The following PHKB variants were observed in gnomAD, a reference collection of about 807,000 sequenced individuals.
The protein encoded by PHKB is phosphorylase b kinase regulatory subunit beta.
PHKB carries 122 observed loss-of-function variants against 152.1 expected under a neutral mutation model. The ratio of observed to expected loss-of-function variants is 0.80; its 90% CI spans 0.69 to 0.93. The LOEUF (loss-of-function observed/expected upper bound fraction) is 0.93. Ranked by LOEUF, PHKB falls within the 40% of genes least tolerant of loss-of-function variation. The pLI, the probability that PHKB is intolerant of heterozygous loss-of-function variation, is 0.00. For missense variants in PHKB, 1,304 were observed against 1,328.4 expected, an observed-to-expected ratio of 0.98 and a Z score of 0.29; for synonymous variants, 436 against 464.9, an observed-to-expected ratio of 0.94 and a Z score of 0.80.
At chr16:47,487,358 T>A (rs1243156998) in intron 1 of PHKB, among the ~76,000 whole-genome samples, 1 of 152,144 alleles carries the variant, frequency 6.6e-6, no homozygotes, top group Non-Finnish European at 1.5e-5. Flanking sequence ...CTTAAAATAT[T>A]ATGTCTGTGA....
At chr16:47,494,987 C>T (rs1970207973) in intron 1 of PHKB, among the ~76,000 whole-genome samples, 1 of 152,158 alleles carries the variant, frequency 6.6e-6, no homozygotes, top group Non-Finnish European at 1.5e-5. Flanking sequence ...ATGATGATCA[C>T]TAAAATAATA....
chr16:47,563,867 G>A lies in PHKB; in HGVS notation c.710+16319G>A, dbSNP rs183517373. ...CCTATACCATTCTGTATGCCTTTGTGTACCCTTCATTTAGCTCCCACTTGC... is the reference window on the plus strand; with the variant it reads ...CCTATACCATTCTGTATGCCTTTGTATACCCTTCATTTAGCTCCCACTTGC... On this transcript the variant is annotated intron_variant, in intron 7 of 30. Coordinates refer to ENST00000323584, the MANE Select transcript of PHKB (RefSeq NM_000293.3). Among the ~76,000 whole-genome samples, 3 of 152,000 alleles carry A rather than the reference G, an allele frequency of 2.0e-5. No individual in the cohort carries two copies. The East Asian group carries it at 5.8e-4, about 29-fold the overall frequency.
chr16:47,601,260 T>C (rs936274836), intron 13 of PHKB, among the ~76,000 whole-genome samples: 3 of 152,192 alleles, frequency 2.0e-5, no homozygotes, highest in Non-Finnish European at 4.4e-5. Context: ...GAAATTTTTT[T>C]TGAGATTCAG....
chr16:47,669,442 A>G lies in PHKB; in HGVS notation c.2630+25A>G, dbSNP rs1465964452. ...GGTGAGTGAAGTCCTTTGCATTTGC[A>G]TAAAGAGAATTGTTCAAGTTGTCCT... is the stretch of plus-strand genomic sequence containing the variant. On this transcript the variant is annotated intron_variant, in intron 26 of 30. Coordinates refer to ENST00000323584, the MANE Select transcript of PHKB (RefSeq NM_000293.3). 3 of 1,603,016 alleles carry G rather than the reference A, an allele frequency of 1.9e-6. No individual in the cohort carries two copies. In the Admixed American group the frequency reaches 5.0e-5, roughly 27 times the overall value.
chr16:47,511,595 AG>A, intron 4 of PHKB, 69 bp from the exon 5 acceptor site: 2 of 1,109,392 alleles, frequency 1.8e-6, no homozygotes, highest in South Asian at 1.2e-5. Flanking sequence ...CATGAAAAAT[AG>A]CTTTTAATCT....
intron 7 of PHKB, among the ~76,000 whole-genome samples, chr16:47,571,978 G>T (rs1971667976): frequency 6.6e-6 from 1 of 152,076 alleles, no homozygotes; most frequent in South Asian, 2.1e-4. Context: ...GCTTATCTGG[G>T]TTTAGCCACC....
At chr16:47,556,935 CA>C (rs1467878194) in intron 7 of PHKB, among the ~76,000 whole-genome samples, 2 of 152,128 alleles carry the variant, frequency 1.3e-5, no homozygotes, top group African/African-American at 4.8e-5. Flanking sequence ...TGATTATTGC[CA>C]CAATTTCAGA....
At chr16:47,641,928 T>G (rs1463415563) in intron 16 of PHKB, among the ~76,000 whole-genome samples, 1 of 152,152 alleles carries the variant, frequency 6.6e-6, no homozygotes, top group Non-Finnish European at 1.5e-5. Flanking sequence ...TTATAGGTCT[T>G]GTTGATTCCT....
intron 7 of PHKB, among the ~76,000 whole-genome samples, chr16:47,573,890 C>T (rs1971705178): frequency 6.6e-6 from 1 of 152,118 alleles, no homozygotes; most frequent in Middle Eastern, 3.2e-3. Context: ...TTCCCTCCAT[C>T]CCTGCTAGGG....
intron 1 of PHKB, among the ~76,000 whole-genome samples, chr16:47,477,228 A>T (rs1398816918): frequency 5.3e-5 from 8 of 152,138 alleles, no homozygotes; most frequent in Non-Finnish European, 1.0e-4. Flanking sequence ...CTCTGATGTC[A>T]CTGCATTGCT....
intron 7 of PHKB, among the ~76,000 whole-genome samples, chr16:47,572,689 A>G (rs965870488): frequency 2.6e-5 from 4 of 152,132 alleles, no homozygotes; most frequent in African/African-American, 9.6e-5. Context: ...AGTGGCATAG[A>G]CTCTGTAAGA....
intron 26 of PHKB, among the ~76,000 whole-genome samples, chr16:47,672,560 G>A (rs548112288): frequency 6.6e-6 from 1 of 152,098 alleles, no homozygotes; most frequent in African/African-American, 2.4e-5. Context: ...GCCTTTTCAA[G>A]TGACAGCCAT....
At chr16:47,629,938 A>G (rs1476204895) in intron 14 of PHKB, among the ~76,000 whole-genome samples, 1 of 146,168 alleles carries the variant, frequency 6.8e-6, no homozygotes, top group East Asian at 2.1e-4. Flanking sequence ...AAAACCAAAC[A>G]CCGCATATTC....
chr16:47,534,037 C>T (rs552578201), intron 6 of PHKB, among the ~76,000 whole-genome samples: 1 of 152,354 alleles, frequency 6.6e-6, no homozygotes, highest in African/African-American at 2.4e-5. Flanking sequence ...TGGTCTTCAG[C>T]TGTGGCTTGG....
chr16:47,664,238 A>G (rs1973496504), intron 24 of PHKB: 1 of 156,506 alleles, frequency 6.4e-6, no homozygotes, highest in Non-Finnish European at 1.4e-5. Flanking sequence ...GAAAAAAAAA[A>G]AGATGTAGGA....
At chr16:47,504,806 G>A (rs976754151) in intron 4 of PHKB, among the ~76,000 whole-genome samples, 3 of 152,372 alleles carry the variant, frequency 2.0e-5, no homozygotes, top group East Asian at 1.9e-4. Context: ...GAAGGCCAGC[G>A]CACTCCCTGG....
chr16:47,653,335 A>G (rs770876653), intron 20 of PHKB, among the ~76,000 whole-genome samples: 1 of 152,146 alleles, frequency 6.6e-6, no homozygotes, highest in Non-Finnish European at 1.5e-5. Flanking sequence ...GTCTTTAACC[A>G]GAGAAAAAGC....
chr16:47,581,836 C>T (rs924689010), intron 8 of PHKB, among the ~76,000 whole-genome samples: 1 of 152,212 alleles, frequency 6.6e-6, no homozygotes, highest in South Asian at 2.1e-4. Flanking sequence ...GCTGCCACCA[C>T]GCCCGGCTAA....
rs755369025 is a variant in PHKB, at chr16:47,594,810, G to A, written c.1204+596G>A. 1.5e-4 allele frequency among the ~76,000 whole-genome samples: 23 copies of A among 152,084 alleles called. 1 individual carries two copies. Among genetic ancestry groups the A allele is most frequent in the Non-Finnish European group, 2.1e-4 (14 of 68,004 alleles). On this transcript the variant is annotated intron_variant, in intron 12 of 30. Coordinates refer to ENST00000323584, the MANE Select transcript of PHKB (RefSeq NM_000293.3). ...ACATAGCTGAATTTTCTGTATAACT[G>A]GAAAACCAATTTTCAAAGGAATTCC...
Sources: gnomAD v4.1 joint callset for allele counts (sites outside exome capture counted in the v4.1 genomes callset) on GRCh38, gnomAD v4.1.1 for gene constraint, MANE v1.5 for transcripts, NCBI Gene and HGNC (gene_info 2026-07-23, HGNC 2026-07-21) for gene names.